The following PLB1 variants were observed in gnomAD, a reference collection of about 807,000 sequenced individuals.
PLB1 encodes the protein phospholipase B1.
Under a neutral mutation model 227.4 loss-of-function variants are expected in PLB1, and 242 were observed. The ratio of observed to expected loss-of-function variants is 1.06; its 90% CI spans 0.96 to 1.18. PLB1 has a LOEUF of 1.18. PLB1 is among the 50% of genes most tolerant of loss of function. The probability of loss-of-function intolerance (pLI) is 0.00; values close to 1 mark genes in which losing one functional copy is unlikely to be tolerated. For synonymous variants in PLB1, 757 were observed against 682.2 expected (o/e 1.11, Z -1.71); for missense variants, 1,858 against 1,816.3 (o/e 1.02, Z -0.42).
chr2:28,525,277 C>T lies in PLB1; in HGVS notation c.254C>T (p.Pro85Leu). ...GAGTATCTATTCCAGCCTCCAGACC[C>T]AGGGACGGGCGATCTGGAGAAGCAA... ...AIGNLEIPPD[P>L]GTGDLEKQDW... The change falls in exon 5 of 58, where the codon CCA becomes CTA. Residue 85 changes from proline (P) to leucine (L), a missense_variant. Pro to Leu is a moderately conservative substitution (Grantham distance 98). Transcript: ENST00000327757. The T allele has an allele frequency of 1.2e-6, 2 of 1,613,600 alleles. No individual in the cohort carries two copies. The highest frequency in any genetic ancestry group is 1.7e-6 in the Non-Finnish European group (2 of 1,179,940).
At chr2:28,565,580 T>G (rs1284765019) in intron 19 of PLB1, among the ~76,000 whole-genome samples, 1 of 152,208 alleles carries the variant, frequency 6.6e-6, no homozygotes, top group Non-Finnish European at 1.5e-5. Flanking sequence ...GGAGAGAAAC[T>G]ACATAAATGT....
At chr2:28,576,232 A>G (rs369241748) in intron 21 of PLB1, among the ~76,000 whole-genome samples, 1 of 152,204 alleles carries the variant, frequency 6.6e-6, no homozygotes, top group South Asian at 2.1e-4. Context: ...AAGAGGCCAC[A>G]TGGCCTGAAC....
At chr2:28,532,680 T>C (rs963175473) in intron 9 of PLB1, among the ~76,000 whole-genome samples, 1 of 152,342 alleles carries the variant, frequency 6.6e-6, no homozygotes, top group East Asian at 1.9e-4. Context: ...AAAAACTATC[T>C]TGCGTCTTAA....
chr2:28,576,086 A>G (rs1299719470), intron 21 of PLB1, among the ~76,000 whole-genome samples: 3 of 149,274 alleles, frequency 2.0e-5, no homozygotes, highest in South Asian at 2.1e-4. Context: ...TGTGATTCAT[A>G]TGGCCCTGGG....
In PLB1 at chr2:28,516,822, C is replaced by G. The variant is rs763476381; in HGVS notation, c.70C>G (p.His24Asp). 1 of 1,613,682 alleles carries G rather than the reference C, an allele frequency of 6.2e-7. No individual in the cohort carries two copies. The highest frequency in any genetic ancestry group is 1.3e-5 in the African/African-American group (1 of 74,898). ...CTTTCTTTCAGGGACCCCTCAGATC[C>G]ATACCTCTCCTAGAAAGAGTACATT... Reference protein sequence around the residue: ...LLLGQGTPQIHTSPRKSTLEG... With the variant: ...LLLGQGTPQIDTSPRKSTLEG... The change falls in exon 2 of 58, where the codon CAT becomes GAT. Residue 24 changes from histidine (H) to aspartate (D), a missense_variant. By Grantham distance (81) the His-to-Asp change is moderately conservative (BLOSUM62 -1). Transcript: ENST00000327757.
At chr2:28,537,810 C>T (rs893120864) in intron 9 of PLB1, among the ~76,000 whole-genome samples, 4 of 151,988 alleles carry the variant, frequency 2.6e-5, no homozygotes, top group Non-Finnish European at 4.4e-5. Flanking sequence ...CCCACTCATA[C>T]TCTTTCTCTA....
intron 8 of PLB1, among the ~76,000 whole-genome samples, chr2:28,530,779 C>T (rs533195063): frequency 5.9e-5 from 9 of 152,276 alleles, no homozygotes; most frequent in South Asian, 2.1e-4. Context: ...TGCATTAAAG[C>T]GTTCAGGAAG....
chr2:28,568,517 G>T (rs1677448783), intron 20 of PLB1, among the ~76,000 whole-genome samples: 2 of 152,176 alleles, frequency 1.3e-5, no homozygotes, highest in South Asian at 4.1e-4. Flanking sequence ...GTAACTATAT[G>T]GAAACGTGTT....
At chr2:28,607,095 G>A (rs1199868454) in intron 43 of PLB1, among the ~76,000 whole-genome samples, 1 of 152,142 alleles carries the variant, frequency 6.6e-6, no homozygotes. Context: ...ACCAGGACAC[G>A]GCAGCTCCAG....
At chr2:28,606,059 A>T in intron 42 of PLB1, 111 bp downstream of exon 42, 1 of 843,992 alleles carries the variant, frequency 1.2e-6, no homozygotes, top group Non-Finnish European at 1.9e-6. Context: ...TGGCTGGTAC[A>T]TCTATAAACG....
rs1451549466 is a variant in PLB1, at chr2:28,642,852, C to T, written c.4174-6C>T. The T allele has an allele frequency of 1.3e-6, 2 of 1,585,138 alleles. No homozygotes were observed. The highest frequency in any genetic ancestry group is 1.7e-6 in the Non-Finnish European group (2 of 1,163,214). On this transcript the variant is annotated splice_region_variant and splice_polypyrimidine_tract_variant and intron_variant, in intron 57 of 57. Coordinates refer to ENST00000327757, the MANE Select transcript of PLB1 (RefSeq NM_153021.5). ...CTTTCCACTGACCCCCGCTCCTCCT[C>T]CACAGGAGAGCCCTTACCTCTACAC... is the stretch of plus-strand genomic sequence containing the variant.
Position 28,589,548 on chromosome 2 carries a change from G to C in PLB1, c.1914G>C (p.Lys638Asn). The C allele has an allele frequency of 6.2e-7, 1 of 1,614,110 alleles. No homozygotes were observed. Among genetic ancestry groups the C allele is most frequent in the Non-Finnish European group, 8.5e-7 (1 of 1,179,976 alleles). ...QPFFENVDMP[K>N]TSEGLPDNSF... ...TCTTTGAAAACGTGGACATGCCAAA[G>C]ACCTCGGTAAAGAAAGCAAGCATCG... Residue 638 changes from lysine to asparagine, a missense_variant, in exon 27 of 58, where the codon AAG becomes AAC. By Grantham distance (94) the Lys-to-Asn change is moderately conservative. Coordinates refer to ENST00000327757, the MANE Select transcript of PLB1 (RefSeq NM_153021.5).
rs746215719 is a variant in PLB1 at position 28,496,093 on chromosome 2, G to C, written c.-22G>C. ...GCTGGAGCAGCTCTTCCAGAGGCCC[G>C]AGTCACCTGGAGCATTCTGGCATGG... On this transcript the variant is annotated 5_prime_UTR_variant, in exon 1 of 58. Transcript: ENST00000327757. 6.2e-7 allele frequency: 1 copy of C among 1,613,316 alleles called. No individual in the cohort carries two copies.
chr2:28,499,297 C>T (rs959664114), intron 1 of PLB1, among the ~76,000 whole-genome samples: 1 of 151,948 alleles, frequency 6.6e-6, no homozygotes, highest in African/African-American at 2.4e-5. Flanking sequence ...ATGCACATAG[C>T]GTTGTTCCAA....
chr2:28,605,577 A>C (rs1684555831), intron 41 of PLB1, among the ~76,000 whole-genome samples: 2 of 152,178 alleles, frequency 1.3e-5, no homozygotes, highest in Admixed American at 1.3e-4. Flanking sequence ...CTCGGGCATT[A>C]CATGAATGTG....
intron 15 of PLB1, 76 bp from the exon 16 acceptor site, chr2:28,549,934 C>G: frequency 7.8e-7 from 1 of 1,289,982 alleles, no homozygotes; most frequent in Non-Finnish European, 1.1e-6. Flanking sequence ...AAAAGCATCA[C>G]TGGATGCTGA....
intron 11 of PLB1, 42 bp from the exon 12 acceptor site, chr2:28,540,324 A>G (rs1442856533): frequency 7.0e-6 from 11 of 1,572,418 alleles, no homozygotes; most frequent in Non-Finnish European, 8.8e-6. Context: ...CCCTGCCCAC[A>G]CTGCCTCCCC....
At chr2:28,633,127 C>A in intron 56 of PLB1, 88 bp downstream of exon 56, 1 of 1,146,074 alleles carries the variant, frequency 8.7e-7, no homozygotes, top group Non-Finnish European at 1.3e-6. Context: ...CTACTGGAGA[C>A]ATGGCTCCTT....
chr2:28,543,123 C>G (rs1003082716), intron 13 of PLB1, 89 bp from the exon 14 acceptor site: 1 of 1,410,974 alleles, frequency 7.1e-7, no homozygotes, highest in Non-Finnish European at 9.7e-7. Context: ...TGCCCCAACT[C>G]TATGCCAGAG....
Sources: gnomAD v4.1 joint callset for allele counts (sites outside exome capture counted in the v4.1 genomes callset) on GRCh38, gnomAD v4.1.1 for gene constraint, MANE v1.5 for transcripts, NCBI Gene and HGNC (gene_info 2026-07-23, HGNC 2026-07-21) for gene names.